The following ALDH9A1 variants were observed in gnomAD, a reference collection of about 807,000 sequenced individuals.
ALDH9A1 encodes the protein aldehyde dehydrogenase 9 family member A1.
Under a neutral mutation model 56.6 loss-of-function variants are expected in ALDH9A1, and 42 were observed. That is an observed-to-expected ratio of 0.74 (90% CI 0.58 to 0.96). ALDH9A1 has a LOEUF of 0.96. ALDH9A1 is among the 40% of genes least tolerant of loss of function. The pLI is 0.00. For synonymous variants in ALDH9A1, 242 were observed against 236.0 expected, an observed-to-expected ratio of 1.03 and a Z score of -0.23; for missense variants, 661 against 651.5, an observed-to-expected ratio of 1.01 and a Z score of -0.16.
Position 165,662,726 on chromosome 1 carries a change from T to C in ALDH9A1, c.*324A>G, listed in dbSNP as rs1295048860. 1 of 238,374 alleles carries C rather than the reference T, an allele frequency of 4.2e-6. No homozygotes were observed. The highest frequency in any genetic ancestry group is 8.2e-6 in the Non-Finnish European group (1 of 121,832). The allele number at this position is 238,374 out of a possible 1,614,324, so 14.8% of individuals were successfully genotyped here. The stretch of plus-strand genomic sequence containing the variant: ...TTGAAATACGCCAGAGAATTAACAT[T>C]ATCAGTGGGCCAAATGTGTGGAAGA... On this transcript the variant is annotated 3_prime_UTR_variant, in exon 11 of 11. Coordinates refer to ENST00000354775, the MANE Select transcript of ALDH9A1 (RefSeq NM_000696.4).
At chr1:165,692,580 A>G (rs1398622714) in intron 2 of ALDH9A1, among the ~76,000 whole-genome samples, 3 of 152,182 alleles carry the variant, frequency 2.0e-5, no homozygotes, top group Non-Finnish European at 1.5e-5. Context: ...CAAACAAATG[A>G]AAGAACATTC....
intron 4 of ALDH9A1, among the ~76,000 whole-genome samples, chr1:165,681,042 C>T (rs1558008073): frequency 1.3e-5 from 2 of 152,168 alleles, no homozygotes; most frequent in African/African-American, 4.8e-5. Context: ...GACTTATTCA[C>T]TATCAGGAGA....
chr1:165,667,290 A>C lies in ALDH9A1; in HGVS notation c.1349+19T>G, dbSNP rs767156786. The C allele has an allele frequency of 6.2e-7, 1 of 1,613,828 alleles. No homozygotes were observed. Among genetic ancestry groups the C allele is most frequent in the East Asian group, 2.2e-5 (1 of 44,890 alleles). ...GCCCCGCTCCTTCAAAACTGCTCTC[A>C]GTGTCCCACTCCACATACCTGGTAA... On this transcript the variant is annotated intron_variant, in intron 9 of 10. Transcript: ENST00000354775.
rs1183820552 is a variant in ALDH9A1, at chr1:165,694,971, TAA to T, written c.327+279_327+280del. On this transcript the variant is annotated intron_variant, in intron 2 of 10. Transcript: ENST00000354775. ...ATTCCGTCTCAAAAAAAAAAAAAAA[TAA>T]AAATAAAAAAAGGACGATGAGCTAT... 2.8e-4 allele frequency among the ~76,000 whole-genome samples: 40 copies of T among 144,042 alleles called. No individual in the cohort carries two copies. The East Asian group carries it at 3.4e-3, about 12-fold the overall frequency. The allele number at this position is 144,042 out of a possible 152,430, so 94.5% of individuals were successfully genotyped here.
chr1:165,679,526 T>A lies in ALDH9A1; in HGVS notation c.846A>T (p.Lys282Asn). 1 of 1,614,144 alleles carries A rather than the reference T, an allele frequency of 6.2e-7. No individual in the cohort carries two copies. The highest frequency in any genetic ancestry group is 8.5e-7 in the Non-Finnish European group (1 of 1,180,018). ...IKPVTLELGG[K>N]SPLIIFSDCD... is the part of the protein sequence containing the mutation. ...AGTCTGAGAAGATGATGAGTGGAGA[T>A]TTGCCTCCAAGTTCCAAGGTAACAG... Residue 282 changes from lysine (K) to asparagine (N), a missense_variant, in exon 6 of 11, where the codon AAA becomes AAT. Lys to Asn is a moderately conservative substitution (Grantham distance 94). Coordinates refer to ENST00000354775, the MANE Select transcript of ALDH9A1 (RefSeq NM_000696.4).
At chr1:165,669,215 G>T (rs768745849) in intron 7 of ALDH9A1, 47 bp downstream of exon 7, 1 of 1,505,100 alleles carries the variant, frequency 6.6e-7, no homozygotes, top group Non-Finnish European at 9.0e-7. Flanking sequence ...TGATTTAGGA[G>T]TAGTATAATC....
rs1649604827 is a variant in ALDH9A1 at position 165,683,103 on chromosome 1, T to C, written c.335A>G (p.Glu112Gly). ...LEAARIIRER[E>G]DEIATMECIN... ...GCACTCCATAGTAGCAATTTCATCC[T>C]CCCGTTCCTTTGGGTAAAGCAGAAG... Residue 112 changes from glutamate to glycine, a missense_variant, in exon 3 of 11, where the codon GAG (glutamate) becomes GGG (glycine). Transcript: ENST00000354775. 6 of 1,613,976 alleles carry C rather than the reference T, an allele frequency of 3.7e-6. No homozygotes were observed. The highest frequency in any genetic ancestry group is 5.1e-6 in the Non-Finnish European group (6 of 1,179,912).
chr1:165,673,171 T>C (rs1350253264), intron 6 of ALDH9A1, among the ~76,000 whole-genome samples: 1 of 146,168 alleles, frequency 6.8e-6, no homozygotes, highest in Non-Finnish European at 1.5e-5. Context: ...TCCAGAAACA[T>C]ACAAATGGCC....
chr1:165,698,361 C>A lies in ALDH9A1; in HGVS notation c.181+17G>T. ...CGGCCCCAGGGCGCCCCAGCCTCCC[C>A]GGCTCGTTGCAGTTACCGGTTGCTG... On this transcript the variant is annotated intron_variant, in intron 1 of 10. Transcript: ENST00000354775. The A allele has an allele frequency of 6.3e-7, 1 of 1,582,958 alleles. No individual in the cohort carries two copies. The highest frequency in any genetic ancestry group is 8.6e-7 in the Non-Finnish European group (1 of 1,167,262).
chr1:165,692,093 C>T (rs1324682629), intron 2 of ALDH9A1, among the ~76,000 whole-genome samples: 2 of 152,130 alleles, frequency 1.3e-5, no homozygotes, highest in Non-Finnish European at 2.9e-5. Flanking sequence ...CTATTTATGA[C>T]AAACCCACAG....
intron 3 of ALDH9A1, chr1:165,682,777 A>T (rs191322944): frequency 8.7e-6 from 5 of 574,260 alleles, no homozygotes; most frequent in Non-Finnish European, 1.5e-5. Context: ...ATCTCATTTA[A>T]TCCTTAACCC....
intron 6 of ALDH9A1, chr1:165,676,530 G>A: frequency 3.4e-6 from 1 of 289,876 alleles, no homozygotes; most frequent in East Asian, 1.1e-4. Flanking sequence ...TGTTGGCACT[G>A]CTGTAAACAA....
chr1:165,682,808 C>T, intron 3 of ALDH9A1, 173 bp downstream of exon 3: 1 of 676,192 alleles, frequency 1.5e-6, no homozygotes, highest in Non-Finnish European at 2.4e-6. Context: ...GAATTATTAT[C>T]TCCAGTTTAG....
At chr1:165,676,836 T>C (rs781358928) in intron 6 of ALDH9A1, 16 of 354,838 alleles carry the variant, frequency 4.5e-5, no homozygotes, top group Non-Finnish European at 8.4e-5. Flanking sequence ...TTTCTCTTTA[T>C]TTAGTAGAGA....
In ALDH9A1 at chr1:165,665,090, C is replaced by A. The variant is rs1648966137; in HGVS notation, c.1390G>T (p.Ala464Ser). 6.2e-7 allele frequency: 1 copy of A among 1,613,812 alleles called. No individual in the cohort carries two copies. Among genetic ancestry groups the A allele is most frequent in the Non-Finnish European group, 8.5e-7 (1 of 1,179,924 alleles). ...RAHRVVAELQAGTCFINNYNV... is the reference protein window; with the variant it reads ...RAHRVVAELQSGTCFINNYNV... The stretch of plus-strand genomic sequence containing the variant: ...TAGTTGTTAATGAAGCACGTCCCAG[C>A]CTGAAGCTCAGCTACCACTCTATGA... The change falls in exon 10 of 11, where the codon GCT (alanine) becomes TCT (serine). Residue 464 changes from alanine to serine, a missense_variant. Transcript: ENST00000354775.
chr1:165,669,464 A>G lies in ALDH9A1; in HGVS notation c.931-14T>C. 6.3e-7 allele frequency: 1 copy of G among 1,594,414 alleles called. No homozygotes were observed. Among genetic ancestry groups the G allele is most frequent in the Non-Finnish European group, 8.5e-7 (1 of 1,171,696 alleles). On this transcript the variant is annotated splice_polypyrimidine_tract_variant and intron_variant, in intron 6 of 10. Coordinates refer to ENST00000354775, the MANE Select transcript of ALDH9A1 (RefSeq NM_000696.4). The stretch of plus-strand genomic sequence containing the variant: ...ATTACAGCAAACCTAAAGGACAAAC[A>G]CAAGACATCAATTTCTATGTGTGTA...
rs559578057 is a variant in ALDH9A1, at chr1:165,678,063, C to T, written c.930+1379G>A. Among the ~76,000 whole-genome samples, 23 of 151,430 alleles carry T rather than the reference C, an allele frequency of 1.5e-4. No homozygotes were observed. The South Asian group carries it at 4.8e-3, about 32-fold the overall frequency. On this transcript the variant is annotated intron_variant, in intron 6 of 10. Coordinates refer to ENST00000354775, the MANE Select transcript of ALDH9A1 (RefSeq NM_000696.4). ...AAAAAAATAAAATAAAGGCCGGGTACAGTGGCTCACACTTGTAATCCCAGC... is the reference window on the plus strand; with the variant it reads ...AAAAAAATAAAATAAAGGCCGGGTATAGTGGCTCACACTTGTAATCCCAGC...
Position 165,695,976 on chromosome 1 carries a change from C to T in ALDH9A1, c.182-579G>A, listed in dbSNP as rs140609008. 9.0e-3 allele frequency among the ~76,000 whole-genome samples: 1,365 copies of T among 152,022 alleles called. 20 individuals are homozygous for T. The highest frequency in any genetic ancestry group is 0.03 in the African/African-American group (1,258 of 41,474). ...CAGCAATTCTCCTGCCTCAGCCTCC[C>T]GAGTAGCTGGGATTACAGGCGCCTG... On this transcript the variant is annotated intron_variant, in intron 1 of 10. Coordinates refer to ENST00000354775, the MANE Select transcript of ALDH9A1 (RefSeq NM_000696.4).
intron 6 of ALDH9A1, among the ~76,000 whole-genome samples, chr1:165,675,142 C>T (rs1649309871): frequency 6.6e-6 from 1 of 152,088 alleles, no homozygotes; most frequent in Non-Finnish European, 1.5e-5. Context: ...TTGCAGTGAA[C>T]CAAGATCGTG....
Sources: allele counts gnomAD v4.1 joint callset (sites outside exome capture counted in the v4.1 genomes callset), GRCh38; gene constraint gnomAD v4.1.1; transcripts MANE v1.5; gene names NCBI Gene and HGNC (gene_info 2026-07-23, HGNC 2026-07-21).